Variants in PPIH observed in about 807,000 individuals in gnomAD.
The protein encoded by PPIH is peptidyl-prolyl cis-trans isomerase H.
In PPIH, 16 loss-of-function variants were observed where a neutral mutation model predicts 27.6. The observed-to-expected ratio is 0.58, with a 90% CI of 0.39 to 0.88. The LOEUF is 0.88. Ranked by LOEUF, PPIH falls within the 40% of genes least tolerant of loss-of-function variation. The pLI, the probability that PPIH is intolerant of heterozygous loss-of-function variation, is 0.00. For synonymous variants in PPIH, 63 were observed against 76.1 expected (o/e 0.83, Z 0.90); for missense variants, 155 against 224.1 (o/e 0.69, Z 1.97).
At position 42,667,295 on chromosome 1, in the gene PPIH, T is replaced by C. The variant is rs1244951334; in HGVS notation, c.466-56T>C. 2.0e-6 allele frequency: 3 copies of C among 1,490,582 alleles called. No individual in the cohort carries two copies. The Admixed American group carries it at 5.2e-5, about 26-fold the overall frequency. 92.3% of individuals were successfully genotyped at this position (1,490,582 alleles called of 1,614,324 possible). On this transcript the variant is annotated intron_variant, in intron 8 of 9. Coordinates refer to ENST00000304979, the MANE Select transcript of PPIH (RefSeq NM_006347.4). Reference sequence around the variant, plus strand: ...CTGGCAGGCATCAGTAAAAGTTTGATAAGGGAACGAGGAAGTGCCTGAGTG... The same window carrying C: ...CTGGCAGGCATCAGTAAAAGTTTGACAAGGGAACGAGGAAGTGCCTGAGTG...
intron 8 of PPIH, among the ~76,000 whole-genome samples, chr1:42,667,099 A>G (rs1649381937): frequency 1.3e-5 from 2 of 152,086 alleles, no homozygotes; most frequent in Non-Finnish European, 2.9e-5. Context: ...TTAAGCCCCA[A>G]TTTAGTTGCC....
At chr1:42,660,363 C>A (rs1188703869) in intron 4 of PPIH, among the ~76,000 whole-genome samples, 4 of 152,064 alleles carry the variant, frequency 2.6e-5, no homozygotes, top group African/African-American at 9.7e-5. Context: ...AACGAAAATC[C>A]TTTTTTATGG....
At position 42,661,586 on chromosome 1, in the gene PPIH, T is replaced by C. The variant is rs1335514278; in HGVS notation, c.243+682T>C. 2.6e-5 allele frequency among the ~76,000 whole-genome samples: 4 copies of C among 152,324 alleles called. No individual in the cohort carries two copies. The East Asian group carries it at 7.7e-4, about 29-fold the overall frequency. On this transcript the variant is annotated intron_variant, in intron 5 of 9. Transcript: ENST00000304979. ...TCTTTCTTAAACCTGCTTTTGTCCTTACCCCCCACTTCTGAATGGTCTTTC... is the reference window on the plus strand; with the variant it reads ...TCTTTCTTAAACCTGCTTTTGTCCTCACCCCCCACTTCTGAATGGTCTTTC...
intron 4 of PPIH, among the ~76,000 whole-genome samples, chr1:42,660,269 C>G (rs1216170682): frequency 6.6e-6 from 1 of 152,220 alleles, no homozygotes; most frequent in African/African-American, 2.4e-5. Flanking sequence ...TTTGCTTTGG[C>G]AAGTAAGCTT....
chr1:42,665,711 G>A (rs767677561), intron 6 of PPIH, among the ~76,000 whole-genome samples: 8 of 152,066 alleles, frequency 5.3e-5, no homozygotes, highest in Non-Finnish European at 1.2e-4. Context: ...TTAGCCAGGT[G>A]TGGTGACACA....
intron 9 of PPIH, among the ~76,000 whole-genome samples, chr1:42,674,987 A>C (rs926399631): frequency 6.6e-6 from 1 of 152,246 alleles, no homozygotes; most frequent in Non-Finnish European, 1.5e-5. Context: ...GTGGAATACT[A>C]TACAGCCTTA....
At chr1:42,681,211 A>G (rs183723380), downstream of PPIH, 4 of 152,236 alleles carry the variant, frequency 2.6e-5, no homozygotes, top group African/African-American at 7.2e-5. Context: ...TTCCAATTAA[A>G]TATACCTAAG....
intron 5 of PPIH, among the ~76,000 whole-genome samples, chr1:42,661,604 G>A (rs776075857): frequency 5.9e-5 from 9 of 151,960 alleles, no homozygotes; most frequent in Non-Finnish European, 1.2e-4. Flanking sequence ...ACTTCTGAAT[G>A]GTCTTTCTTT....
At chr1:42,668,405 C>G (rs1570394983) in intron 9 of PPIH, among the ~76,000 whole-genome samples, 2 of 151,982 alleles carry the variant, frequency 1.3e-5, no homozygotes, top group African/African-American at 4.8e-5. Flanking sequence ...TTCCCATCTT[C>G]CTTCCTTTAC....
intron 9 of PPIH, among the ~76,000 whole-genome samples, chr1:42,671,802 G>C (rs1649649689): frequency 6.6e-6 from 1 of 152,132 alleles, no homozygotes; most frequent in East Asian, 1.9e-4. Flanking sequence ...TAATGAAAGA[G>C]GAGATGAATT....
chr1:42,658,433 T>G lies in PPIH; in HGVS notation c.-14T>G. 6.2e-7 allele frequency: 1 copy of G among 1,612,924 alleles called. No homozygotes were observed. The highest frequency in any genetic ancestry group is 8.5e-7 in the Non-Finnish European group (1 of 1,178,942). On this transcript the variant is annotated 5_prime_UTR_variant, in exon 1 of 10. Transcript: ENST00000304979. ...GAATCCCACGCTCCCGACTTCTGCT[T>G]CCGGGTCGGAGCCATGGCGGTGGCA...
rs530438839 is a variant in PPIH, at chr1:42,676,567, T to C, written c.*22-17T>C. The C allele has an allele frequency of 6.6e-5, 10 of 151,932 alleles. No homozygotes were observed. Among genetic ancestry groups the C allele is most frequent in the Non-Finnish European group, 1.0e-4 (7 of 68,036 alleles). The allele number at this position is 151,932 out of a possible 1,614,324, so 9.4% of individuals were successfully genotyped here. ...CCTCCCCATCCCACACTGACCTCCATGTCTCTGCCATTGTAGGCCTTCCCT... is the reference window on the plus strand; with the variant it reads ...CCTCCCCATCCCACACTGACCTCCACGTCTCTGCCATTGTAGGCCTTCCCT... On this transcript the variant is annotated splice_polypyrimidine_tract_variant and intron_variant, in intron 9 of 9. Coordinates refer to ENST00000304979, the MANE Select transcript of PPIH (RefSeq NM_006347.4).
rs12244 is a variant in PPIH at position 42,665,982 on chromosome 1, G to C, written c.339G>C (p.Ala113=). The stretch of plus-strand genomic sequence containing the variant: ...CAGGTATATTTGGTTTCCATCAGGC[G>C]AACAGTGGTCCAAGTACAAATGGCT... The part of the protein sequence containing the change: ...RHSAPGLLSM[A]NSGPSTNGCQ... Residue 113 remains alanine (A), a splice_region_variant and synonymous_variant, in exon 7 of 10, where the codon GCG becomes GCC. Transcript: ENST00000304979. 13 of 1,613,862 alleles carry C rather than the reference G, an allele frequency of 8.1e-6. No individual in the cohort carries two copies. Among genetic ancestry groups the C allele is most frequent in the Admixed American group, 1.7e-5 (1 of 60,000 alleles).
intron 5 of PPIH, among the ~76,000 whole-genome samples, chr1:42,662,504 T>C (rs2148712036): frequency 6.6e-6 from 1 of 151,918 alleles, no homozygotes; most frequent in South Asian, 2.1e-4. Context: ...CAGTGAGCCA[T>C]GTTCATACCA....
rs770033001 is a variant in PPIH, at chr1:42,659,448, C to T, written c.156-74C>T. Reference sequence around the variant, plus strand: ...ACCATCTTTAGGAGAGTCCTTTTGGCTCCAGTGCATGGTAAACTGGAAAGG... The same window carrying T: ...ACCATCTTTAGGAGAGTCCTTTTGGTTCCAGTGCATGGTAAACTGGAAAGG... On this transcript the variant is annotated intron_variant, in intron 3 of 9. Coordinates refer to ENST00000304979, the MANE Select transcript of PPIH (RefSeq NM_006347.4). 3.1e-6 allele frequency: 5 copies of T among 1,614,144 alleles called. No homozygotes were observed. The Admixed American group carries it at 8.3e-5, about 27-fold the overall frequency.
chr1:42,662,841 A>G (rs1649116194), intron 5 of PPIH, among the ~76,000 whole-genome samples: 1 of 152,208 alleles, frequency 6.6e-6, no homozygotes, highest in African/African-American at 2.4e-5. Flanking sequence ...GTGTGTTTAT[A>G]TAATTTTTAA....
Position 42,659,406 on chromosome 1 carries a change from C to T in PPIH, c.156-116C>T, listed in dbSNP as rs1553131180. 3 of 1,614,090 alleles carry T rather than the reference C, an allele frequency of 1.9e-6. No homozygotes were observed. The Admixed American group carries it at 5.0e-5, about 27-fold the overall frequency. On this transcript the variant is annotated intron_variant, in intron 3 of 9. Coordinates refer to ENST00000304979, the MANE Select transcript of PPIH (RefSeq NM_006347.4). Reference sequence around the variant, plus strand: ...AAGGGTCTGTCCCTAGTTTATTTGCCTTCTTTATGTCTGTCAACCATCTTT... The same window carrying T: ...AAGGGTCTGTCCCTAGTTTATTTGCTTTCTTTATGTCTGTCAACCATCTTT...
chr1:42,659,629 T>TGG, intron 4 of PPIH, 63 bp downstream of exon 4: 1 of 1,558,574 alleles, frequency 6.4e-7, no homozygotes, highest in Non-Finnish European at 8.6e-7. Context: ...ATTAGGCTCT[T>TGG]TAGAGGAAAA....
rs750229674 is a variant in PPIH, at chr1:42,658,855, C to T, written c.78C>T (p.Arg26=). Residue 26 remains arginine, a synonymous_variant, in exon 2 of 10, where the codon CGC becomes CGT. Transcript: ENST00000304979. ...DVSIGGQEVG[R]MKIELFADVV... ...CCCGCTGATTGCAGGAAGTTGGCCG[C>T]ATGAAGATCGAGCTCTTTGCAGACG... is the stretch of plus-strand genomic sequence containing the variant. 2 of 1,614,244 alleles carry T rather than the reference C, an allele frequency of 1.2e-6. No homozygotes were observed. The highest frequency in any genetic ancestry group is 1.7e-6 in the Non-Finnish European group (2 of 1,180,042).
Sources: allele counts gnomAD v4.1 joint callset (sites outside exome capture counted in the v4.1 genomes callset), GRCh38; gene constraint gnomAD v4.1.1; transcripts MANE v1.5; gene names NCBI Gene and HGNC (gene_info 2026-07-23, HGNC 2026-07-21).